Variants in FAM20A observed in about 807,000 individuals in gnomAD.
The protein encoded by FAM20A is FAM20A golgi associated secretory pathway pseudokinase.
FAM20A carries 42 observed loss-of-function variants against 52.0 expected under a neutral mutation model. The ratio of observed to expected loss-of-function variants is 0.81; its 90% CI spans 0.63 to 1.04. The LOEUF (loss-of-function observed/expected upper bound fraction) is 1.04, where lower values mean the gene tolerates loss of function less well. Among genes scored for constraint, FAM20A ranks in the 50% least tolerant of loss-of-function variants. The pLI, the probability that FAM20A is intolerant of heterozygous loss-of-function variation, is 0.00. For synonymous variants in FAM20A, 304 were observed against 298.9 expected (o/e 1.02, Z -0.18); for missense variants, 742 against 712.7 (o/e 1.04, Z -0.47).
chr17:68,544,779 A>G (rs897194694), intron 4 of FAM20A, among the ~76,000 whole-genome samples: 3 of 152,192 alleles, frequency 2.0e-5, no homozygotes, highest in African/African-American at 7.2e-5. Flanking sequence ...AGCAAGGACA[A>G]TCCCTCTTCC....
In FAM20A at chr17:68,537,538, A is replaced by G. The variant is rs369157703; in HGVS notation, c.1565T>C (p.Ile522Thr). 11 of 1,613,718 alleles carry G rather than the reference A, an allele frequency of 6.8e-6. No individual in the cohort carries two copies. The African/African-American group carries it at 8.0e-5, about 12-fold the overall frequency. The change falls in exon 11 of 11, where the codon ATA (isoleucine) becomes ACA (threonine). Residue 522 changes from isoleucine to threonine, a missense_variant. By Grantham distance (89) the Ile-to-Thr change is moderately conservative. Transcript: ENST00000592554. This position sits in a 1 kb window ranked among gnomAD's most constrained non-coding sequence, Gnocchi z 4.2. ...CAACTGTTCCACTGGGCCGTCGACT[A>G]TGACACTCTGCTGTCCATGGGCCAC... ...CIVAHGQQSV[I>T]VDGPVEQLAP... is the part of the protein sequence containing the mutation.
Position 68,600,213 on chromosome 17 carries a change from A to T in FAM20A, c.404+50T>A. ...GGAAACTCGAGACTGGGGCGCGGGGAGGCCCCGGCCAGAGCGCCCGCTCTC... is the reference window on the plus strand; with the variant it reads ...GGAAACTCGAGACTGGGGCGCGGGGTGGCCCCGGCCAGAGCGCCCGCTCTC... On this transcript the variant is annotated intron_variant, in intron 1 of 10. Transcript: ENST00000592554. The surrounding 1 kb of genome is among the most constrained non-coding windows in gnomAD (Gnocchi z 6.2). 1.3e-6 allele frequency: 2 copies of T among 1,537,616 alleles called. No individual in the cohort carries two copies. Among genetic ancestry groups the T allele is most frequent in the South Asian group, 2.4e-5 (2 of 83,014 alleles).
Position 68,600,221 on chromosome 17 carries a change from G to A in FAM20A, c.404+42C>T. 1.4e-5 allele frequency: 21 copies of A among 1,545,378 alleles called. No individual in the cohort carries two copies. Among genetic ancestry groups the A allele is most frequent in the Non-Finnish European group, 1.8e-5 (21 of 1,145,278 alleles). ...GAGACTGGGGCGCGGGGAGGCCCCG[G>A]CCAGAGCGCCCGCTCTCCCGCGTCC... On this transcript the variant is annotated intron_variant, in intron 1 of 10. Coordinates refer to ENST00000592554, the MANE Select transcript of FAM20A (RefSeq NM_017565.4). This position sits in a 1 kb window ranked among gnomAD's most constrained non-coding sequence, Gnocchi z 6.2.
intron 2 of FAM20A, 40 bp downstream of exon 2, chr17:68,555,519 A>G (rs774805480): frequency 5.0e-6 from 8 of 1,608,886 alleles, no homozygotes; most frequent in Non-Finnish European, 6.8e-6. Context: ...ACTCTCTGGG[A>G]GAAAGTCAGT....
intron 1 of FAM20A, among the ~76,000 whole-genome samples, chr17:68,565,628 A>G (rs2087356949): frequency 6.6e-6 from 1 of 152,034 alleles, no homozygotes; most frequent in Non-Finnish European, 1.5e-5. Flanking sequence ...TCCTGACCTC[A>G]GGTGATCTGC....
At chr17:68,581,375 TTTCTTTC>T (rs903160807) in intron 1 of FAM20A, among the ~76,000 whole-genome samples, 11 of 142,986 alleles carry the variant, frequency 7.7e-5, no homozygotes, top group Non-Finnish European at 1.2e-4. Context: ...TCTTTCTTTC[TTTCTTTC>T]TTTCTTTCTT....
intron 1 of FAM20A, among the ~76,000 whole-genome samples, chr17:68,560,029 G>T (rs2087165644): frequency 6.6e-6 from 1 of 152,186 alleles, no homozygotes. Flanking sequence ...GTATTAGGAA[G>T]TGGGGCCTTT....
At chr17:68,590,799 C>T (rs1184762017) in intron 1 of FAM20A, among the ~76,000 whole-genome samples, 1 of 152,188 alleles carries the variant, frequency 6.6e-6, no homozygotes, top group African/African-American at 2.4e-5. Flanking sequence ...GGGAACTGCT[C>T]TTCCCCACTC....
chr17:68,542,662 GA>G (rs1452285233), intron 6 of FAM20A, 31 bp downstream of exon 6: 1 of 1,548,678 alleles, frequency 6.5e-7, no homozygotes, highest in South Asian at 1.1e-5. Context: ...GATCTACTCA[GA>G]CCCGGAATAT....
At chr17:68,539,462 C>G (rs2086195497) in intron 9 of FAM20A, 66 bp from the exon 10 acceptor site, 7 of 1,413,260 alleles carry the variant, frequency 5.0e-6, no homozygotes, top group South Asian at 4.6e-5. Context: ...GAGGCTTCCT[C>G]TCTCCTCTCA....
rs987766446 is a variant in FAM20A, at chr17:68,554,825, A to G, written c.592T>C (p.Tyr198His). The G allele has an allele frequency of 6.8e-6, 11 of 1,614,020 alleles. No homozygotes were observed. Among genetic ancestry groups the G allele is most frequent in the Admixed American group, 1.7e-5 (1 of 60,010 alleles). ...AGCAAGGCTTTCTCATCTTGACTGT[A>G]ATCTGCAAAGGAGGAGAAGGGCAAT... ...MRHFPTISADYSQDEKALLGA... is the reference protein window; with the variant it reads ...MRHFPTISADHSQDEKALLGA... Residue 198 changes from tyrosine (Y) to histidine (H), a missense_variant and splice_region_variant, in exon 3 of 11, where the codon TAC becomes CAC. Coordinates refer to ENST00000592554, the MANE Select transcript of FAM20A (RefSeq NM_017565.4).
intron 1 of FAM20A, among the ~76,000 whole-genome samples, chr17:68,575,649 T>A (rs2087733082): frequency 8.4e-6 from 1 of 119,644 alleles, no homozygotes; most frequent in Non-Finnish European, 1.6e-5. Flanking sequence ...AATATTATAT[T>A]TTATATATAT....
At chr17:68,595,357 G>A (rs1265853915) in intron 1 of FAM20A, among the ~76,000 whole-genome samples, 1 of 152,190 alleles carries the variant, frequency 6.6e-6, no homozygotes, top group African/African-American at 2.4e-5. Context: ...ACAGGCTTTG[G>A]AATGAGGGAG....
Position 68,535,426 on chromosome 17 carries a change from TG to T in FAM20A, c.*2050del, listed in dbSNP as rs890204760. ...CGGGTTTTGAGGTAGAGCTGTAGCC[TG>T]CTTTCCTGAGAGTCTTATTTGGAAG... On this transcript the variant is annotated 3_prime_UTR_variant, in exon 11 of 11. Transcript: ENST00000592554. 2 of 453,990 alleles carry T rather than the reference TG, an allele frequency of 4.4e-6. No homozygotes were observed. Among genetic ancestry groups the T allele is most frequent in the African/African-American group, 4.0e-5 (2 of 50,000 alleles). The allele number at this position is 453,990 out of a possible 1,614,324, so 28.1% of individuals were successfully genotyped here. A position where few individuals can be genotyped will look rare whatever the true frequency, so the allele number is the denominator to read the frequency against.
Position 68,539,318 on chromosome 17 carries a change from C to G in FAM20A, c.1361+19G>C, listed in dbSNP as rs2086190876. On this transcript the variant is annotated intron_variant, in intron 10 of 10. Coordinates refer to ENST00000592554, the MANE Select transcript of FAM20A (RefSeq NM_017565.4). Reference sequence around the variant, plus strand: ...CACAACTGTTACTTGCCCGTATTATCTGCTGCAGGAAAACTTACATGCAGC... The same window carrying G: ...CACAACTGTTACTTGCCCGTATTATGTGCTGCAGGAAAACTTACATGCAGC... The G allele has an allele frequency of 6.2e-7, 1 of 1,613,778 alleles. No homozygotes were observed. Among genetic ancestry groups the G allele is most frequent in the South Asian group, 1.1e-5 (1 of 91,070 alleles).
intron 1 of FAM20A, among the ~76,000 whole-genome samples, chr17:68,559,480 C>CA (rs1345412015): frequency 6.6e-6 from 1 of 152,076 alleles, no homozygotes; most frequent in Non-Finnish European, 1.5e-5. Flanking sequence ...CTTTCATCAA[C>CA]AAAAATAAAA....
intron 9 of FAM20A, 119 bp from the exon 10 acceptor site, chr17:68,539,515 T>C: frequency 2.3e-6 from 2 of 886,344 alleles, no homozygotes; most frequent in East Asian, 4.9e-5. Context: ...CCAGGGATCA[T>C]GGCAGCTGCC....
intron 7 of FAM20A, chr17:68,541,313 T>TA: frequency 6.1e-6 from 2 of 327,708 alleles, no homozygotes; most frequent in South Asian, 5.8e-5. Context: ...GCGCCACTCA[T>TA]AGCACCTCCA....
In FAM20A at chr17:68,548,529, C is replaced by CA. The variant is rs985971024; in HGVS notation, c.719+3343dup. Among the ~76,000 whole-genome samples, 1,030 of 140,382 alleles carry CA rather than the reference C, an allele frequency of 7.3e-3. 12 individuals are homozygous for CA. Among genetic ancestry groups the CA allele is most frequent in the African/African-American group, 0.025 (942 of 38,268 alleles). 92.1% of individuals were successfully genotyped at this position (140,382 alleles called of 152,430 possible). On this transcript the variant is annotated intron_variant, in intron 4 of 10. Transcript: ENST00000592554. ...TGGGCAACAGAGTGAGACTCTGTCT[C>CA]AAAAAAAAAAAGTTTGAAATATTGT...
Sources: gnomAD v4.1 joint callset for allele counts (sites outside exome capture counted in the v4.1 genomes callset) on GRCh38, gnomAD v4.1.1 for gene constraint, Gnocchi (gnomAD v3.1) non-coding constraint, MANE v1.5 for transcripts, NCBI Gene and HGNC (gene_info 2026-07-23, HGNC 2026-07-21) for gene names.